NEDD9: variants seen among roughly 807,000 people sequenced by gnomAD.
The protein encoded by NEDD9 is neural precursor cell expressed, developmentally down-regulated 9, also known as enhancer of filamentation 1.
A neutral mutation model predicts 76.6 loss-of-function variants in NEDD9; 26 were observed. The ratio of observed to expected loss-of-function variants is 0.34; its 90% CI spans 0.25 to 0.47. The LOEUF (loss-of-function observed/expected upper bound fraction) is 0.47, where lower values mean the gene tolerates loss of function less well. NEDD9 is among the 20% of genes least tolerant of loss of function. The pLI, the probability that NEDD9 is intolerant of heterozygous loss-of-function variation, is 1.00. For missense variants in NEDD9, 937 were observed against 1,058.5 expected (o/e 0.89, Z 1.59); for synonymous variants, 392 against 414.2 (o/e 0.95, Z 0.65).
chr6:11,260,871 T>TGTGTGTGAGC (rs1350130752), intron 3 of NEDD9, among the ~76,000 whole-genome samples: 28 of 150,942 alleles, frequency 1.9e-4, no homozygotes, highest in Non-Finnish European at 3.7e-4. Flanking sequence ...TGTGAGCATG[T>TGTGTGTGAGC]ATGTGTGAGC....
intron 3 of NEDD9, among the ~76,000 whole-genome samples, chr6:11,243,966 G>C (rs557840000): frequency 2.8e-4 from 43 of 152,328 alleles, no homozygotes; most frequent in African/African-American, 1.0e-3. Context: ...TCAAACACTA[G>C]TCTAGACGTT....
At chr6:11,288,295 A>G (rs1055732299) in intron 3 of NEDD9, among the ~76,000 whole-genome samples, 1 of 152,210 alleles carries the variant, frequency 6.6e-6, no homozygotes, top group Non-Finnish European at 1.5e-5. Context: ...AAGGTCTGTT[A>G]GGCTCATAAA....
chr6:11,189,935 T>C, intron 5 of NEDD9, 29 bp downstream of exon 5: 2 of 1,509,318 alleles, frequency 1.3e-6, no homozygotes, highest in Non-Finnish European at 1.8e-6. Context: ...TGAGTGAGTG[T>C]AGGTGTTTTA....
rs1760714516 is a variant in NEDD9, at chr6:11,289,351, A to G, written c.12+16641T>C. Among the ~76,000 whole-genome samples the G allele has an allele frequency of 2.0e-5, 3 of 152,380 alleles. No homozygotes were observed. The South Asian group carries it at 6.2e-4, about 32-fold the overall frequency. On this transcript the variant is annotated intron_variant, in intron 3 of 3. Transcript: ENST00000397378. ...TAAGTAATATAATTCTGGTACTGCTATAAACCTATTTTCTATTATTATTGT... is the reference window on the plus strand; with the variant it reads ...TAAGTAATATAATTCTGGTACTGCTGTAAACCTATTTTCTATTATTATTGT...
chr6:11,377,509 G>T (rs1267719691), intron 1 of NEDD9, among the ~76,000 whole-genome samples: 1 of 152,238 alleles, frequency 6.6e-6, no homozygotes, highest in African/African-American at 2.4e-5. Context: ...TTTCAGATTT[G>T]TGTGGGGCCC....
chr6:11,356,570 C>G (rs533388482), intron 1 of NEDD9, among the ~76,000 whole-genome samples: 1 of 152,276 alleles, frequency 6.6e-6, no homozygotes, highest in Non-Finnish European at 1.5e-5. Context: ...GCACCACCCC[C>G]AGGGTTTCTG....
Position 11,190,066 on chromosome 6 carries a change from C to G in NEDD9, c.1803G>C (p.Lys601Asn), listed in dbSNP as rs1256795260. Residue 601 changes from lysine (K) to asparagine (N), a missense_variant, in exon 5 of 7, where the codon AAG becomes AAC. Lys to Asn is a moderately conservative substitution (Grantham distance 94, BLOSUM62 0). Transcript: ENST00000379446. The surrounding 1 kb of genome is among the most constrained non-coding windows in gnomAD (Gnocchi z 5.8). Reference protein sequence around the residue: ...PGDHKAQAHNKALPPGLSKEQ... With the variant: ...PGDHKAQAHNNALPPGLSKEQ... The stretch of plus-strand genomic sequence containing the variant: ...CCTTGCTCAGGCCTGGGGGCAGTGC[C>G]TTGTTGTGGGCCTGGGCCTTGTGGT... 1 of 1,599,104 alleles carries G rather than the reference C, an allele frequency of 6.3e-7. No homozygotes were observed. Among genetic ancestry groups the G allele is most frequent in the African/African-American group, 1.3e-5 (1 of 74,704 alleles).
chr6:11,351,662 C>T (rs1762472023), intron 1 of NEDD9, among the ~76,000 whole-genome samples: 1 of 152,208 alleles, frequency 6.6e-6, no homozygotes, highest in South Asian at 2.1e-4. Flanking sequence ...GACATTCCCT[C>T]CAGGTTATCA....
At chr6:11,250,367 A>G (rs939701037) in intron 3 of NEDD9, among the ~76,000 whole-genome samples, 3 of 152,064 alleles carry the variant, frequency 2.0e-5, no homozygotes, top group Non-Finnish European at 4.4e-5. Flanking sequence ...TGGAATCCCC[A>G]TGTCACCCTC....
chr6:11,187,588 G>A (rs1176236533), intron 6 of NEDD9, among the ~76,000 whole-genome samples: 5 of 152,144 alleles, frequency 3.3e-5, no homozygotes, highest in Admixed American at 2.0e-4. Flanking sequence ...CCCAATCAAC[G>A]TGGCCCAATC....
intron 2 of NEDD9, among the ~76,000 whole-genome samples, chr6:11,327,170 T>C (rs916374837): frequency 1.3e-5 from 2 of 152,188 alleles, no homozygotes; most frequent in Non-Finnish European, 1.5e-5. Context: ...AGCAAGTCAC[T>C]TAACATCTCT....
intron 2 of NEDD9, among the ~76,000 whole-genome samples, chr6:11,333,684 G>A (rs1194957060): frequency 6.6e-6 from 1 of 152,206 alleles, no homozygotes; most frequent in African/African-American, 2.4e-5. Context: ...CTCACCAGGT[G>A]TGGCTGGGGG....
chr6:11,334,548 A>G (rs1461299671), exon 2 of NEDD9: 1 of 152,140 alleles, frequency 6.6e-6, no homozygotes, highest in East Asian at 1.9e-4. Flanking sequence ...TTCTTTCCCC[A>G]TTATTCATTC....
At chr6:11,289,078 C>T (rs754227581) in intron 3 of NEDD9, among the ~76,000 whole-genome samples, 2 of 152,238 alleles carry the variant, frequency 1.3e-5, no homozygotes, top group Non-Finnish European at 2.9e-5. Flanking sequence ...CATAAACTAA[C>T]CTATGCTCAG....
At chr6:11,364,735 T>A (rs1762734047) in intron 1 of NEDD9, among the ~76,000 whole-genome samples, 1 of 152,206 alleles carries the variant, frequency 6.6e-6, no homozygotes, top group African/African-American at 2.4e-5. Context: ...CTCCCGTCCC[T>A]TCTACCTACT....
intron 3 of NEDD9, among the ~76,000 whole-genome samples, chr6:11,268,405 A>G (rs996996659): frequency 6.6e-6 from 1 of 152,086 alleles, no homozygotes; most frequent in Non-Finnish European, 1.5e-5. Context: ...AATAAGACTG[A>G]GTCAAAATTG....
rs796872188 is a variant in NEDD9, at chr6:11,366,589, A to G, written c.-214+15550T>C. On this transcript the variant is annotated intron_variant, in intron 1 of 3. Transcript: ENST00000397378. ...GAGGTTGGCACTTTAAAAGCAATGTATGAGAGGTGGAAACCAAAACAGAAA... is the reference window on the plus strand; with the variant it reads ...GAGGTTGGCACTTTAAAAGCAATGTGTGAGAGGTGGAAACCAAAACAGAAA... 9.8e-5 allele frequency among the ~76,000 whole-genome samples: 15 copies of G among 152,334 alleles called. 1 individual carries two copies. Among genetic ancestry groups the G allele is most frequent in the African/African-American group, 3.6e-4 (15 of 41,580 alleles).
intron 2 of NEDD9, among the ~76,000 whole-genome samples, chr6:11,331,671 A>G (rs2113501658): frequency 1.3e-5 from 2 of 152,316 alleles, no homozygotes; most frequent in African/African-American, 4.8e-5. Context: ...ACCCCTTGCC[A>G]TTCTCCAAAA....
chr6:11,343,270 G>A (rs563861074), intron 1 of NEDD9, among the ~76,000 whole-genome samples: 2 of 151,932 alleles, frequency 1.3e-5, no homozygotes, highest in African/African-American at 2.4e-5. Flanking sequence ...TCTACTAAAA[G>A]TACAAAAAAT....
Sources: gnomAD v4.1 joint callset for allele counts (sites outside exome capture counted in the v4.1 genomes callset) on GRCh38, gnomAD v4.1.1 for gene constraint, Gnocchi (gnomAD v3.1) non-coding constraint, MANE v1.5 for transcripts, NCBI Gene and HGNC (gene_info 2026-07-23, HGNC 2026-07-21) for gene names.